Variants in SYK observed in about 807,000 individuals in gnomAD.
The protein encoded by SYK is tyrosine-protein kinase SYK.
In SYK, 16 loss-of-function variants were observed where a neutral mutation model predicts 77.8. The observed-to-expected ratio is 0.21, with a 90% CI of 0.14 to 0.31. The LOEUF (loss-of-function observed/expected upper bound fraction) is 0.31. Among genes scored for constraint, SYK ranks in the 10% least tolerant of loss-of-function variants. The pLI, the probability that SYK is intolerant of heterozygous loss-of-function variation, is 1.00. For missense variants in SYK, 529 were observed against 814.4 expected (o/e 0.65, Z 4.26); for synonymous variants, 312 against 308.7 (o/e 1.01, Z -0.11).
intron 1 of SYK, among the ~76,000 whole-genome samples, chr9:90,828,002 G>A (rs965809036): frequency 2.0e-5 from 3 of 151,904 alleles, no homozygotes; most frequent in Non-Finnish European, 4.4e-5. Flanking sequence ...TAGACATTCA[G>A]TAAAACTCTA....
rs2118888199 is a variant in SYK, at chr9:90,877,689, C to T, written c.1300C>T (p.Arg434Trp). ...MQQLDNPYIVRMIGICEAESW... is the reference protein window; with the variant it reads ...MQQLDNPYIVWMIGICEAESW... ...GCAGCTGGACAACCCGTACATCGTG[C>T]GGATGATCGGGATATGCGAGGCCGA... The change falls in exon 10 of 14, where the codon CGG (arginine) becomes TGG (tryptophan). Residue 434 changes from arginine to tryptophan, a missense_variant. Physicochemically the swap from Arg to Trp is moderately radical, Grantham distance 101. Transcript: ENST00000375754. The T allele has an allele frequency of 6.2e-7, 1 of 1,614,238 alleles. No homozygotes were observed. The highest frequency in any genetic ancestry group is 8.5e-7 in the Non-Finnish European group (1 of 1,180,030).
intron 13 of SYK, among the ~76,000 whole-genome samples, chr9:90,894,731 T>C (rs1828916994): frequency 6.6e-6 from 1 of 152,370 alleles, no homozygotes; most frequent in South Asian, 2.1e-4. Flanking sequence ...AAATAACTTC[T>C]AAGTGAGGAT....
chr9:90,818,611 A>G (rs1383780066), intron 1 of SYK, among the ~76,000 whole-genome samples: 1 of 152,270 alleles, frequency 6.6e-6, no homozygotes, highest in African/African-American at 2.4e-5. Flanking sequence ...GACAGCAACC[A>G]TAGGGTTTTT....
chr9:90,823,899 A>G (rs1171869681), intron 1 of SYK, among the ~76,000 whole-genome samples: 1 of 152,086 alleles, frequency 6.6e-6, no homozygotes, highest in Non-Finnish European at 1.5e-5. Flanking sequence ...TTAAAATGAA[A>G]GCAGAAATCA....
At position 90,884,653 on chromosome 9, in the gene SYK, A is replaced by G. The variant is rs1384839369; in HGVS notation, c.1582-3096A>G. Among the ~76,000 whole-genome samples the G allele has an allele frequency of 3.1e-5, 2 of 64,138 alleles. 1 individual carries two copies. The highest frequency in any genetic ancestry group is 5.9e-5 in the Non-Finnish European group (2 of 33,938). 42.1% of individuals were successfully genotyped at this position (64,138 alleles called of 152,430 possible). On this transcript the variant is annotated intron_variant, in intron 11 of 13. Coordinates refer to ENST00000375754, the MANE Select transcript of SYK (RefSeq NM_003177.7). ...TGTACATGTACATATATACACATAT[A>G]CACATATGTGTACATGTACATATAT...
At chr9:90,874,065 C>T in intron 7 of SYK, 139 bp from the exon 8 acceptor site, 2 of 720,118 alleles carry the variant, frequency 2.8e-6, no homozygotes, top group Non-Finnish European at 4.7e-6. Flanking sequence ...TATTTTCTTC[C>T]CTGTTTTTCG....
chr9:90,891,142 CTTTTTTTT>C (rs750370621), intron 13 of SYK, among the ~76,000 whole-genome samples: 223 of 119,088 alleles, frequency 1.9e-3, no homozygotes, highest in Middle Eastern at 8.8e-3. Context: ...ATGTTGCCTG[CTTTTTTTT>C]TTTTTTTTTT....
chr9:90,822,709 A>T (rs190204829), intron 1 of SYK, among the ~76,000 whole-genome samples: 99 of 152,226 alleles, frequency 6.5e-4, no homozygotes, highest in Non-Finnish European at 1.2e-3. Flanking sequence ...GCACAGGCTC[A>T]CTCAGAGGCT....
chr9:90,841,722 ACT>A (rs1423386477), intron 1 of SYK, among the ~76,000 whole-genome samples: 1 of 136,040 alleles, frequency 7.4e-6, no homozygotes, highest in Non-Finnish European at 1.6e-5. Flanking sequence ...TGTAGTGTGT[ACT>A]GTGTGTGGTG....
At chr9:90,866,292 A>G (rs1046767437) in intron 6 of SYK, among the ~76,000 whole-genome samples, 7 of 152,226 alleles carry the variant, frequency 4.6e-5, no homozygotes, top group Non-Finnish European at 1.0e-4. Flanking sequence ...CAAAATCTGC[A>G]GAAAGCCAAA....
intron 3 of SYK, among the ~76,000 whole-genome samples, chr9:90,861,505 T>A (rs191495891): frequency 5.9e-5 from 9 of 151,346 alleles, no homozygotes; most frequent in African/African-American, 2.2e-4. Context: ...CTCCCTTTCC[T>A]GCATTGGGAG....
intron 1 of SYK, among the ~76,000 whole-genome samples, chr9:90,835,118 C>A (rs1431917600): frequency 6.6e-6 from 1 of 152,180 alleles, no homozygotes; most frequent in Non-Finnish European, 1.5e-5. Flanking sequence ...GCCCAAATGT[C>A]AAGAGTGCCA....
In SYK at chr9:90,892,442, C is replaced by A. The variant is rs115355355; in HGVS notation, c.1836-3086C>A. On this transcript the variant is annotated intron_variant, in intron 13 of 13. Coordinates refer to ENST00000375754, the MANE Select transcript of SYK (RefSeq NM_003177.7). ...GAAGAGACAGGTCAGTTAGTCCTAT[C>A]CGAAACTACAATGTATCCAATATTT... Among the ~76,000 whole-genome samples, 845 of 152,296 alleles carry A rather than the reference C, an allele frequency of 5.5e-3. 7 individuals are homozygous for A. Among genetic ancestry groups the A allele is most frequent in the African/African-American group, 0.02 (815 of 41,562 alleles).
intron 11 of SYK, among the ~76,000 whole-genome samples, chr9:90,884,866 CAT>C (rs1183012872): frequency 1.6e-3 from 37 of 23,636 alleles, no homozygotes; most frequent in East Asian, 0.012. Flanking sequence ...TGTGTATATA[CAT>C]ATATACATAT....
chr9:90,858,786 GT>G (rs754894490), intron 3 of SYK, among the ~76,000 whole-genome samples: 8 of 152,242 alleles, frequency 5.3e-5, no homozygotes, highest in Non-Finnish European at 8.8e-5. Flanking sequence ...GGGCCTGTGG[GT>G]TTCCTTTCTC....
At chr9:90,854,152 G>A (rs1360743145) in intron 3 of SYK, among the ~76,000 whole-genome samples, 2 of 152,218 alleles carry the variant, frequency 1.3e-5, no homozygotes, top group African/African-American at 2.4e-5. Flanking sequence ...CCTTGATGGT[G>A]GCAGACTGGC....
chr9:90,810,106 T>C (rs1825018578), intron 1 of SYK, among the ~76,000 whole-genome samples: 1 of 152,154 alleles, frequency 6.6e-6, no homozygotes, highest in Non-Finnish European at 1.5e-5. Flanking sequence ...GTGTCTGTTA[T>C]GGAGGAATGG....
chr9:90,831,101 T>C (rs1326783514), intron 1 of SYK, among the ~76,000 whole-genome samples: 1 of 152,178 alleles, frequency 6.6e-6, no homozygotes, highest in East Asian at 1.9e-4. Flanking sequence ...TTGGCAACAA[T>C]TGTTTGCAGG....
chr9:90,830,606 G>C (rs1825850476), intron 1 of SYK, among the ~76,000 whole-genome samples: 2 of 118,404 alleles, frequency 1.7e-5, no homozygotes, highest in Non-Finnish European at 3.3e-5. Context: ...TTTTTTTTGA[G>C]ATGGAGTCTC....
Sources: allele counts gnomAD v4.1 joint callset (sites outside exome capture counted in the v4.1 genomes callset), GRCh38; gene constraint gnomAD v4.1.1; transcripts MANE v1.5; gene names NCBI Gene and HGNC (gene_info 2026-07-23, HGNC 2026-07-21).